Variants in PLIN1 observed in about 807,000 individuals in gnomAD.
PLIN1 encodes perilipin-1.
PLIN1 carries 37 observed loss-of-function variants against 45.8 expected under a neutral mutation model. That is an observed-to-expected ratio of 0.81 (90% CI 0.62 to 1.06). The LOEUF is 1.06. PLIN1 is among the 50% of genes least tolerant of loss of function. PLIN1 has a pLI of 0.00. For missense variants in PLIN1, 776 were observed against 716.5 expected, an observed-to-expected ratio of 1.08 and a Z score of -0.95; for synonymous variants, 340 against 309.2, an observed-to-expected ratio of 1.10 and a Z score of -1.05.
chr15:89,677,461 A>G lies in PLIN1; in HGVS notation c.29T>C (p.Leu10Pro), dbSNP rs1964536329. The G allele has an allele frequency of 6.2e-7, 1 of 1,613,872 alleles. No homozygotes were observed. Among genetic ancestry groups the G allele is most frequent in the Admixed American group, 1.7e-5 (1 of 59,996 alleles). ...GTTACTTACAGGGAGGTCTCCATCCAGCAAGGTGAGGCCTTTGTTGACTGC... is the reference window on the plus strand; with the variant it reads ...GTTACTTACAGGGAGGTCTCCATCCGGCAAGGTGAGGCCTTTGTTGACTGC... MAVNKGLTL[L>P]DGDLPEQENV... is the part of the protein sequence containing the mutation. The change falls in exon 2 of 9, where the codon CTG (leucine) becomes CCG (proline). Residue 10 changes from leucine to proline, a missense_variant. Transcript: ENST00000300055.
chr15:89,665,342 A>C lies in PLIN1; in HGVS notation c.*241T>G. ...AGTAACAACCAAGCCATAGAATCAG[A>C]GCAGGCTGCGGCTCTGGTGTCCCTT... is the stretch of plus-strand genomic sequence containing the variant. On this transcript the variant is annotated 3_prime_UTR_variant, in exon 9 of 9. Coordinates refer to ENST00000300055, the MANE Select transcript of PLIN1 (RefSeq NM_002666.5). 2.8e-6 allele frequency: 1 copy of C among 357,448 alleles called. No homozygotes were observed. Among genetic ancestry groups the C allele is most frequent in the South Asian group, 8.1e-5 (1 of 12,382 alleles). 22.1% of individuals were successfully genotyped at this position (357,448 alleles called of 1,614,324 possible). A position where few individuals can be genotyped will look rare whatever the true frequency, so the allele number is the denominator to read the frequency against.
chr15:89,667,205 G>T (rs1168088476), intron 7 of PLIN1, 24 bp from the exon 8 acceptor site: 1 of 1,611,870 alleles, frequency 6.2e-7, no homozygotes, highest in Non-Finnish European at 8.5e-7. Flanking sequence ...CAGGGTCAGT[G>T]CCTCCTGTGG....
chr15:89,673,986 C>G (rs1964479913), intron 2 of PLIN1, among the ~76,000 whole-genome samples: 1 of 152,172 alleles, frequency 6.6e-6, no homozygotes, highest in Non-Finnish European at 1.5e-5. Context: ...GGAAACCACT[C>G]CCTCCCTGGC....
intron 7 of PLIN1, among the ~76,000 whole-genome samples, 165 bp from the exon 8 acceptor site, chr15:89,667,346 C>G (rs1360820139): frequency 6.6e-6 from 1 of 152,264 alleles, no homozygotes; most frequent in Non-Finnish European, 1.5e-5. Flanking sequence ...CATTCCCTCT[C>G]TGAACCTCTG....
At chr15:89,675,095 G>A (rs1964496083) in intron 2 of PLIN1, among the ~76,000 whole-genome samples, 1 of 152,150 alleles carries the variant, frequency 6.6e-6, no homozygotes, top group South Asian at 2.1e-4. Flanking sequence ...CAGCCTCGAT[G>A]ACAGAATGAC....
In PLIN1 at chr15:89,667,163, G is replaced by A. The variant is rs1349992994; in HGVS notation, c.982C>T (p.Pro328Ser). ...KFSEVAALPGPRGLLGGVAHT... is the reference protein window; with the variant it reads ...KFSEVAALPGSRGLLGGVAHT... ...GCCACACCACCCAGGAGGCCTCGAG[G>A]GCCTGGCAGGGCTGCTACCTGGGGG... The change falls in exon 8 of 9, where the codon CCT becomes TCT. Residue 328 changes from proline (P) to serine (S), a missense_variant. Physicochemically the swap from Pro to Ser is moderately conservative, Grantham distance 74. Transcript: ENST00000300055. 1.9e-6 allele frequency: 3 copies of A among 1,613,468 alleles called. No homozygotes were observed. The highest frequency in any genetic ancestry group is 1.3e-5 in the African/African-American group (1 of 75,022).
intron 8 of PLIN1, 99 bp downstream of exon 8, chr15:89,666,837 G>A: frequency 7.2e-7 from 1 of 1,395,922 alleles, no homozygotes; most frequent in Non-Finnish European, 1.0e-6. Flanking sequence ...GAGGAGTAGG[G>A]GAAAGGAGGG....
intron 2 of PLIN1, 65 bp from the exon 3 acceptor site, chr15:89,673,479 C>A: frequency 7.3e-7 from 1 of 1,372,822 alleles, no homozygotes; most frequent in Non-Finnish European, 1.0e-6. Flanking sequence ...GAAGCTGACC[C>A]CGGGGTCATG....
chr15:89,668,058 CAA>C (rs1567076795), intron 6 of PLIN1, among the ~76,000 whole-genome samples: 1 of 152,218 alleles, frequency 6.6e-6, no homozygotes, highest in Non-Finnish European at 1.5e-5. Flanking sequence ...TTTCAACACC[CAA>C]AGACTCCCTG....
chr15:89,665,816 C>G lies in PLIN1; in HGVS notation c.1336G>C (p.Ala446Pro). The change falls in exon 9 of 9, where the codon GCC becomes CCC. Residue 446 changes from alanine to proline, a missense_variant. Coordinates refer to ENST00000300055, the MANE Select transcript of PLIN1 (RefSeq NM_002666.5). ...SGAPSAGPEPAPRLAQPRRSL... is the reference protein window; with the variant it reads ...SGAPSAGPEPPPRLAQPRRSL... ...CGGCGGGGCTGTGCGAGACGCGGGG[C>G]GGGCTCCGGGCCGGCGGACGGCGCC... 7.3e-7 allele frequency: 1 copy of G among 1,378,182 alleles called. No individual in the cohort carries two copies. The highest frequency in any genetic ancestry group is 9.4e-7 in the Non-Finnish European group (1 of 1,064,234). The allele number at this position is 1,378,182 out of a possible 1,614,324, so 85.4% of individuals were successfully genotyped here. A position where few individuals can be genotyped will look rare whatever the true frequency, so the allele number is the denominator to read the frequency against.
chr15:89,677,419 G>C (rs1395065080), intron 2 of PLIN1, 26 bp downstream of exon 2: 3 of 1,599,442 alleles, frequency 1.9e-6, no homozygotes, highest in Middle Eastern at 1.7e-4. Context: ...TCCATCCCCT[G>C]TCACAGATGA....
At chr15:89,676,443 T>G (rs1038766122) in intron 2 of PLIN1, among the ~76,000 whole-genome samples, 1 of 152,098 alleles carries the variant, frequency 6.6e-6, no homozygotes, top group Non-Finnish European at 1.5e-5. Flanking sequence ...GAGATGGGGT[T>G]TCACTGTGTT....
rs1555426029 is a variant in PLIN1 at position 89,665,844 on chromosome 15, A to G, written c.1308T>C (p.Ser436=). The part of the protein sequence containing the change: ...VERREAERRA[S]GAPSAGPEPA... ...GCTCCGGGCCGGCGGACGGCGCCCC[A>G]GACGCTCTGCGCTCCGCCTCCCGGC... Residue 436 remains serine, a synonymous_variant, in exon 9 of 9, where the codon TCT becomes TCC. Transcript: ENST00000300055. 3.4e-6 allele frequency: 5 copies of G among 1,464,422 alleles called. No individual in the cohort carries two copies. Among genetic ancestry groups the G allele is most frequent in the Non-Finnish European group, 4.5e-6 (5 of 1,110,410 alleles). The allele number at this position is 1,464,422 out of a possible 1,614,324, so 90.7% of individuals were successfully genotyped here. A position where few individuals can be genotyped will look rare whatever the true frequency, so the allele number is the denominator to read the frequency against.
intron 1 of PLIN1, 152 bp from the exon 2 acceptor site, chr15:89,677,655 A>G (rs1964539268): frequency 1.3e-6 from 1 of 747,376 alleles, no homozygotes; most frequent in Admixed American, 1.8e-5. Context: ...GGTGAATATC[A>G]CACACAATAG....
chr15:89,669,604 C>A lies in PLIN1; in HGVS notation c.667G>T (p.Gly223Trp). 1 of 1,614,068 alleles carries A rather than the reference C, an allele frequency of 6.2e-7. No homozygotes were observed. Among genetic ancestry groups the A allele is most frequent in the Non-Finnish European group, 8.5e-7 (1 of 1,179,972 alleles). The change falls in exon 6 of 9, where the codon GGG becomes TGG. Residue 223 changes from glycine (G) to tryptophan (W), a missense_variant. Physicochemically the swap from Gly to Trp is radical, Grantham distance 184. Coordinates refer to ENST00000300055, the MANE Select transcript of PLIN1 (RefSeq NM_002666.5). Reference protein sequence around the residue: ...KAKPSLLSRVGALTNTLSRYT... With the variant: ...KAKPSLLSRVWALTNTLSRYT... The stretch of plus-strand genomic sequence containing the variant: ...CGAGAGAGGGTGTTGGTCAGAGCCC[C>A]AACCCTGCTCAAGAGGCTTGGCTTG...
chr15:89,672,467 A>C (rs990949914), intron 3 of PLIN1, among the ~76,000 whole-genome samples: 8 of 152,180 alleles, frequency 5.3e-5, no homozygotes, highest in African/African-American at 1.9e-4. Flanking sequence ...ATTTAAGGAG[A>C]TTGTAGCCAG....
chr15:89,673,495 C>A (rs1276561324), intron 2 of PLIN1, 81 bp from the exon 3 acceptor site: 13 of 1,148,104 alleles, frequency 1.1e-5, no homozygotes, highest in Non-Finnish European at 1.5e-5. Context: ...TCATGGGGAC[C>A]AATGGTGCAA....
chr15:89,666,333 T>G (rs561410225), intron 8 of PLIN1, among the ~76,000 whole-genome samples: 2 of 152,198 alleles, frequency 1.3e-5, no homozygotes, highest in African/African-American at 4.8e-5. Flanking sequence ...CTAAGATCCC[T>G]GGCATGCTGC....
Position 89,669,687 on chromosome 15 carries a change from G to A in PLIN1, c.599-15C>T, listed in dbSNP as rs569995782. Reference sequence around the variant, plus strand: ...AGGAGCAGGGGCTGGGTAGGGATTTGGGGGGAAAGAAGAGAAAACAGGTCA... The same window carrying A: ...AGGAGCAGGGGCTGGGTAGGGATTTAGGGGGAAAGAAGAGAAAACAGGTCA... On this transcript the variant is annotated splice_polypyrimidine_tract_variant and intron_variant, in intron 5 of 8. Transcript: ENST00000300055. 23 of 1,612,636 alleles carry A rather than the reference G, an allele frequency of 1.4e-5. No individual in the cohort carries two copies. The highest frequency in any genetic ancestry group is 1.1e-4 in the African/African-American group (8 of 74,980).
Sources: allele counts gnomAD v4.1 joint callset (sites outside exome capture counted in the v4.1 genomes callset), GRCh38; gene constraint gnomAD v4.1.1; transcripts MANE v1.5; gene names NCBI Gene and HGNC (gene_info 2026-07-23, HGNC 2026-07-21).